PRKDC: variants seen among roughly 807,000 people sequenced by gnomAD.
PRKDC encodes DNA-dependent protein kinase catalytic subunit.
PRKDC carries 82 observed loss-of-function variants against 486.9 expected under a neutral mutation model. That is an observed-to-expected ratio of 0.17 (90% CI 0.14 to 0.20). The LOEUF (loss-of-function observed/expected upper bound fraction) is 0.20, where lower values mean the gene tolerates loss of function less well. Ranked by LOEUF, PRKDC falls within the 10% of genes least tolerant of loss-of-function variation. The pLI, the probability that PRKDC is intolerant of heterozygous loss-of-function variation, is 1.00. For synonymous variants in PRKDC, 1,895 were observed against 1,837.0 expected (o/e 1.03, Z -0.81); for missense variants, 4,504 against 5,038.2 (o/e 0.89, Z 3.21).
intron 7 of PRKDC, 34 bp downstream of exon 7, chr8:47,953,586 T>C: frequency 6.4e-7 from 1 of 1,561,924 alleles, no homozygotes; most frequent in Non-Finnish European, 8.8e-7. Context: ...TTACAGTTTT[T>C]GAATAAAGAA....
rs533725938 is a variant in PRKDC, at chr8:47,830,036, G to A, written c.8397+569C>T. On this transcript the variant is annotated intron_variant, in intron 61 of 85. Transcript: ENST00000314191. ...TACCCAACTTCAAACAATACTATAA[G>A]GCTGCAGTAACCAAAAAGCATGGTA... Among the ~76,000 whole-genome samples, 39 of 152,194 alleles carry A rather than the reference G, an allele frequency of 2.6e-4. No homozygotes were observed. In the South Asian group the frequency reaches 7.5e-3, roughly 29 times the overall value.
chr8:47,849,953 A>C (rs539504796), intron 52 of PRKDC, among the ~76,000 whole-genome samples: 8 of 152,322 alleles, frequency 5.3e-5, no homozygotes, highest in African/African-American at 1.9e-4. Context: ...AAGCAATTCT[A>C]TTCACACAGC....
At chr8:47,896,303 T>C (rs1422928124) in intron 30 of PRKDC, among the ~76,000 whole-genome samples, 2 of 151,944 alleles carry the variant, frequency 1.3e-5, no homozygotes, top group African/African-American at 2.4e-5. Flanking sequence ...AGCCTGGAAA[T>C]ATATAAAGTA....
rs1348701523 is a variant in PRKDC at position 47,831,867 on chromosome 8, T to G, written c.8212A>C (p.Lys2738Gln). The change falls in exon 60 of 86, where the codon AAG (lysine) becomes CAG (glutamine). Residue 2738 changes from lysine (K) to glutamine (Q), a missense_variant. Lys to Gln is a moderately conservative substitution (Grantham distance 53, BLOSUM62 1). Coordinates refer to ENST00000314191, the MANE Select transcript of PRKDC (RefSeq NM_006904.7). ...TTTCTGGCATACATCAAACTGAGCT[T>G]CTCCTGGTCCCTCATAAACCGTCTG... is the stretch of plus-strand genomic sequence containing the variant. ...LRRRFMRDQEKLSLMYARKGV... is the reference protein window; with the variant it reads ...LRRRFMRDQEQLSLMYARKGV... 3.7e-6 allele frequency: 6 copies of G among 1,613,982 alleles called. No homozygotes were observed. Among genetic ancestry groups the G allele is most frequent in the South Asian group, 2.2e-5 (2 of 91,084 alleles).
At chr8:47,786,723 CTTTTTTTTTTTTT>C (rs5891257) in intron 76 of PRKDC, among the ~76,000 whole-genome samples, 2 of 88,248 alleles carry the variant, frequency 2.3e-5, no homozygotes, top group Non-Finnish European at 3.8e-5. Context: ...ATTATTTAAT[CTTTTTTTTTTTTT>C]TTTTTTTTTT....
At chr8:47,849,059 G>A (rs764801525) in intron 54 of PRKDC, 95 bp downstream of exon 54, 27 of 1,454,368 alleles carry the variant, frequency 1.9e-5, no homozygotes, top group Non-Finnish European at 2.3e-5. Context: ...TGTATATCAT[G>A]GAAACCCACA....
At chr8:47,931,283 T>C (rs186955470) in intron 16 of PRKDC, among the ~76,000 whole-genome samples, 3 of 152,244 alleles carry the variant, frequency 2.0e-5, no homozygotes, top group East Asian at 3.9e-4. Context: ...CACAAGTAGT[T>C]AGAAATACAG....
At chr8:47,781,099 C>T (rs1350353505) in intron 80 of PRKDC, among the ~76,000 whole-genome samples, 3 of 152,166 alleles carry the variant, frequency 2.0e-5, no homozygotes, top group Non-Finnish European at 2.9e-5. Context: ...TAATCCTGTG[C>T]GGTTCCACGC....
chr8:47,861,981 G>T, intron 44 of PRKDC, 81 bp downstream of exon 44: 1 of 1,130,614 alleles, frequency 8.8e-7, no homozygotes, highest in Non-Finnish European at 1.3e-6. Context: ...TTGAATATTG[G>T]CAACTTAACG....
At chr8:47,800,536 C>T (rs1470213180) in intron 71 of PRKDC, among the ~76,000 whole-genome samples, 1 of 151,844 alleles carries the variant, frequency 6.6e-6, no homozygotes, top group African/African-American at 2.4e-5. Flanking sequence ...TGCAGCACAC[C>T]AGCATGGCAC....
At chr8:47,836,567 T>C (rs1414618860) in intron 57 of PRKDC, 40 bp from the exon 58 acceptor site, 2 of 1,498,794 alleles carry the variant, frequency 1.3e-6, no homozygotes, top group African/African-American at 1.4e-5. Flanking sequence ...AAGTTTCAAA[T>C]GAAATAATGC....
intron 11 of PRKDC, 134 bp downstream of exon 11, chr8:47,939,417 A>G: frequency 1.1e-6 from 1 of 951,528 alleles, no homozygotes; most frequent in Non-Finnish European, 1.6e-6. Context: ...GAGCCTGTGC[A>G]GTTCACGCCC....
intron 67 of PRKDC, among the ~76,000 whole-genome samples, chr8:47,819,032 G>C (rs1046227109): frequency 8.5e-5 from 13 of 152,104 alleles, no homozygotes; most frequent in African/African-American, 2.7e-4. Context: ...ACAGCTTTCC[G>C]TCTGCAAGCC....
At chr8:47,918,101 G>C (rs879497698) in intron 22 of PRKDC, among the ~76,000 whole-genome samples, 176 bp downstream of exon 22, 2 of 152,130 alleles carry the variant, frequency 1.3e-5, no homozygotes, top group Admixed American at 6.5e-5. Flanking sequence ...CTAAAGTGCT[G>C]GGATTACAGG....
chr8:47,926,085 G>T (rs945985580), intron 21 of PRKDC, among the ~76,000 whole-genome samples: 1 of 152,042 alleles, frequency 6.6e-6, no homozygotes, highest in African/African-American at 2.4e-5. Context: ...ACTTTTCAAT[G>T]AGTTAACAGA....
intron 31 of PRKDC, among the ~76,000 whole-genome samples, chr8:47,892,631 A>G (rs535326927): frequency 6.6e-6 from 1 of 152,284 alleles, no homozygotes; most frequent in African/African-American, 2.4e-5. Flanking sequence ...GCACCCAGCC[A>G]AGGAATCTTT....
chr8:47,907,493 G>A (rs1026228149), intron 25 of PRKDC, among the ~76,000 whole-genome samples: 2 of 148,442 alleles, frequency 1.3e-5, no homozygotes, highest in Non-Finnish European at 3.0e-5. Context: ...ACATCCCAAA[G>A]GTAACCACTG....
Position 47,782,717 on chromosome 8 carries a change from A to G in PRKDC, c.11176-119T>C. ...GGCCGCCCTCTGAAGACAGTGCCAA[A>G]GAGCAGAGCGCCCAGGCCAGCAACG... On this transcript the variant is annotated intron_variant, in intron 78 of 85. Coordinates refer to ENST00000314191, the MANE Select transcript of PRKDC (RefSeq NM_006904.7). This position sits in a 1 kb window ranked among gnomAD's most constrained non-coding sequence, Gnocchi z 4.9. 1 of 1,138,830 alleles carries G rather than the reference A, an allele frequency of 8.8e-7. No homozygotes were observed. The highest frequency in any genetic ancestry group is 2.6e-5 in the East Asian group (1 of 38,658). The allele number at this position is 1,138,830 out of a possible 1,614,324, so 70.5% of individuals were successfully genotyped here.
rs747027260 is a variant in PRKDC, at chr8:47,882,078, C to T, written c.4796G>A (p.Gly1599Asp). The change falls in exon 37 of 86, where the codon GGC (glycine) becomes GAC (aspartate). Residue 1599 changes from glycine (G) to aspartate (D), a missense_variant. Physicochemically the swap from Gly to Asp is moderately conservative, Grantham distance 94 (BLOSUM62 -1). Transcript: ENST00000314191. ...NTKMVSAVLN[G>D]MLDQSFRERA... ...CTCCCTGAAGCTCTGGTCTAACATG[C>T]CGTTCAAAACGGCACTCACCTGAGA... 1.1e-5 allele frequency: 17 copies of T among 1,612,600 alleles called. 1 individual carries two copies. In the East Asian group the frequency reaches 2.5e-4, roughly 23 times the overall value.
Sources: allele counts gnomAD v4.1 joint callset (sites outside exome capture counted in the v4.1 genomes callset), GRCh38; gene constraint gnomAD v4.1.1; non-coding constraint Gnocchi (gnomAD v3.1); transcripts MANE v1.5; gene names NCBI Gene and HGNC (gene_info 2026-07-23, HGNC 2026-07-21).